The following CFAP299 variants were observed in gnomAD, a reference collection of about 807,000 sequenced individuals.
CFAP299 encodes cilia and flagella associated protein 299.
In CFAP299, 21 loss-of-function variants were observed where a neutral mutation model predicts 27.0. That is an observed-to-expected ratio of 0.78 (90% CI 0.55 to 1.12). The LOEUF is 1.12. CFAP299 is among the 50% of genes most tolerant of loss of function. CFAP299 has a pLI of 0.00. For missense variants in CFAP299, 310 were observed against 276.6 expected (o/e 1.12, Z -0.86); for synonymous variants, 104 against 98.1 (o/e 1.06, Z -0.36).
intron 3 of CFAP299, among the ~76,000 whole-genome samples, chr4:80,686,529 A>G (rs1720207162): frequency 6.6e-6 from 1 of 152,224 alleles, no homozygotes; most frequent in Non-Finnish European, 1.5e-5. Flanking sequence ...ATTTATACAA[A>G]TCCTACTGAA....
intron 4 of CFAP299, among the ~76,000 whole-genome samples, chr4:80,881,133 GCAGGCATTT>G (rs771254283): frequency 9.2e-5 from 14 of 152,194 alleles, no homozygotes; most frequent in Non-Finnish European, 1.9e-4. Context: ...GAATTCTATT[GCAGGCATTT>G]CAGAACCCTC....
Position 80,903,919 on chromosome 4 carries a change from G to C in CFAP299, c.476+33784G>C, listed in dbSNP as rs1018811388. 2.1e-4 allele frequency among the ~76,000 whole-genome samples: 32 copies of C among 151,914 alleles called. 1 individual carries two copies. The highest frequency in any genetic ancestry group is 7.7e-4 in the African/African-American group (32 of 41,480). On this transcript the variant is annotated intron_variant, in intron 4 of 5. Coordinates refer to ENST00000358105, the MANE Select transcript of CFAP299 (RefSeq NM_152770.3). ...ATACTTGGTCAGGAGCATAGAGAAG[G>C]GTTTTCTAAACTTCCTCAAGACATA... is the stretch of plus-strand genomic sequence containing the variant.
chr4:80,564,578 A>G (rs1165751615), intron 2 of CFAP299, among the ~76,000 whole-genome samples: 3 of 150,396 alleles, frequency 2.0e-5, no homozygotes, highest in African/African-American at 7.4e-5. Flanking sequence ...GATCATACTA[A>G]ATGGAGAGAA....
intron 5 of CFAP299, among the ~76,000 whole-genome samples, chr4:80,962,763 ATT>A (rs1388076513): frequency 6.6e-6 from 1 of 151,960 alleles, no homozygotes; most frequent in Non-Finnish European, 1.5e-5. Flanking sequence ...AAATAATATC[ATT>A]CTTTTCTACA....
At chr4:80,454,661 A>T (rs76864626) in intron 2 of CFAP299, among the ~76,000 whole-genome samples, 5 of 152,314 alleles carry the variant, frequency 3.3e-5, no homozygotes, top group Non-Finnish European at 7.3e-5. Flanking sequence ...ATGCCCATAA[A>T]TGTACACACA....
chr4:80,624,925 T>C (rs888243610), intron 3 of CFAP299, among the ~76,000 whole-genome samples: 7 of 151,988 alleles, frequency 4.6e-5, no homozygotes, highest in African/African-American at 1.7e-4. Context: ...ATAAAGACTT[T>C]CCCAAATAAA....
intron 2 of CFAP299, among the ~76,000 whole-genome samples, chr4:80,544,842 C>G (rs1188194519): frequency 1.3e-5 from 2 of 152,166 alleles, no homozygotes; most frequent in Middle Eastern, 3.2e-3. Flanking sequence ...TGGACTTAAA[C>G]TCAATATTTG....
chr4:80,796,449 T>C (rs572292253), intron 3 of CFAP299, among the ~76,000 whole-genome samples: 2 of 152,336 alleles, frequency 1.3e-5, no homozygotes, highest in South Asian at 4.1e-4. Context: ...GATCACGCTC[T>C]CTCTGAATAA....
rs192134111 is a variant in CFAP299 at position 80,915,845 on chromosome 4, T to G, written c.477-28965T>G. Among the ~76,000 whole-genome samples, 615 of 152,226 alleles carry G rather than the reference T, an allele frequency of 4.0e-3. 1 individual carries two copies. Among genetic ancestry groups the G allele is most frequent in the Middle Eastern group, 0.014 (4 of 294 alleles). Reference sequence around the variant, plus strand: ...CTTAATTTGGGTTATTTTCACGTCTTCCATATTCTCTTCTTACCATATAAA... The same window carrying G: ...CTTAATTTGGGTTATTTTCACGTCTGCCATATTCTCTTCTTACCATATAAA... On this transcript the variant is annotated intron_variant, in intron 4 of 5. Coordinates refer to ENST00000358105, the MANE Select transcript of CFAP299 (RefSeq NM_152770.3).
At chr4:80,890,310 C>G (rs1375872998) in intron 4 of CFAP299, among the ~76,000 whole-genome samples, 2 of 151,962 alleles carry the variant, frequency 1.3e-5, no homozygotes, top group East Asian at 3.9e-4. Flanking sequence ...ATATAAAAAT[C>G]AGGAGCATTT....
At chr4:80,603,736 T>A in intron 3 of CFAP299, among the ~76,000 whole-genome samples, 2 of 152,342 alleles carry the variant, frequency 1.3e-5, no homozygotes, top group South Asian at 2.1e-4. Context: ...GCATTATTCA[T>A]CTATATGATA....
At chr4:80,857,063 A>T (rs1022931609) in intron 3 of CFAP299, among the ~76,000 whole-genome samples, 5 of 151,978 alleles carry the variant, frequency 3.3e-5, no homozygotes, top group Non-Finnish European at 5.9e-5. Context: ...ATTTGTTTGT[A>T]TCCTCTTTTA....
intron 3 of CFAP299, among the ~76,000 whole-genome samples, chr4:80,678,966 G>T (rs775017541): frequency 4.6e-5 from 7 of 151,906 alleles, no homozygotes; most frequent in Non-Finnish European, 1.0e-4. Context: ...TTGTTTTTCT[G>T]TGTTTGTATG....
intron 2 of CFAP299, among the ~76,000 whole-genome samples, chr4:80,555,292 G>A (rs1028445112): frequency 1.3e-5 from 2 of 152,004 alleles, no homozygotes; most frequent in African/African-American, 4.8e-5. Flanking sequence ...TATGTGATGA[G>A]TCACATTTAT....
chr4:80,811,143 A>C (rs1319355461), intron 3 of CFAP299, among the ~76,000 whole-genome samples: 1 of 152,140 alleles, frequency 6.6e-6, no homozygotes, highest in Non-Finnish European at 1.5e-5. Flanking sequence ...AAATCACAAC[A>C]ACCTTTTACC....
intron 3 of CFAP299, among the ~76,000 whole-genome samples, chr4:80,688,981 G>A (rs1720441567): frequency 6.6e-6 from 1 of 152,102 alleles, no homozygotes; most frequent in African/African-American, 2.4e-5. Flanking sequence ...AGCGAGAAGG[G>A]AAGTTTAGAG....
chr4:80,940,219 G>A (rs1006732256), intron 4 of CFAP299, among the ~76,000 whole-genome samples: 1 of 152,114 alleles, frequency 6.6e-6, no homozygotes, highest in Admixed American at 6.5e-5. Context: ...CTTCACAGTG[G>A]TTGTTTTGAA....
rs556246924 is a variant in CFAP299 at position 80,346,657 on chromosome 4, A to G, written c.111+10778A>G. Among the ~76,000 whole-genome samples, 1,096 of 152,290 alleles carry G rather than the reference A, an allele frequency of 7.2e-3. 9 individuals carry two copies. The highest frequency in any genetic ancestry group is 0.017 in the Middle Eastern group (5 of 294). On this transcript the variant is annotated intron_variant, in intron 1 of 5. Coordinates refer to ENST00000358105, the MANE Select transcript of CFAP299 (RefSeq NM_152770.3). ...ATATCTCTGTTTTGGTACCAGTACCATGCTGTTTTGGTTACTGTAGCCTTG... is the reference window on the plus strand; with the variant it reads ...ATATCTCTGTTTTGGTACCAGTACCGTGCTGTTTTGGTTACTGTAGCCTTG...
intron 2 of CFAP299, among the ~76,000 whole-genome samples, chr4:80,567,936 T>C (rs1210220525): frequency 6.6e-6 from 1 of 151,754 alleles, no homozygotes; most frequent in African/African-American, 2.4e-5. Context: ...TCAATTAAAA[T>C]GTAATATGCA....
Sources: allele counts gnomAD v4.1 joint callset (sites outside exome capture counted in the v4.1 genomes callset), GRCh38; gene constraint gnomAD v4.1.1; transcripts MANE v1.5; gene names NCBI Gene and HGNC (gene_info 2026-07-23, HGNC 2026-07-21).